The following OSBPL6 variants were observed in gnomAD, a reference collection of about 807,000 sequenced individuals.
OSBPL6 encodes the protein oxysterol binding protein like 6, also known as oxysterol-binding protein-related protein 6.
In OSBPL6, 49 loss-of-function variants were observed where a neutral mutation model predicts 125.8. That is an observed-to-expected ratio of 0.39 (90% CI 0.31 to 0.49). OSBPL6 has a LOEUF of 0.49. Among genes scored for constraint, OSBPL6 ranks in the 20% least tolerant of loss-of-function variants. The pLI is 0.88. For missense variants in OSBPL6, 986 were observed against 1,135.4 expected (o/e 0.87, Z 1.89); for synonymous variants, 394 against 391.8 (o/e 1.01, Z -0.07).
chr2:178,253,452 G>A (rs2091769561), intron 1 of OSBPL6, among the ~76,000 whole-genome samples: 1 of 152,208 alleles, frequency 6.6e-6, no homozygotes, highest in African/African-American at 2.4e-5. Flanking sequence ...CAGTAGACAT[G>A]AGAATTTTAG....
intron 1 of OSBPL6, among the ~76,000 whole-genome samples, chr2:178,195,015 G>T (rs2088785668): frequency 6.6e-6 from 1 of 152,098 alleles, no homozygotes; most frequent in Non-Finnish European, 1.5e-5. Flanking sequence ...CGCGCGGGCC[G>T]GCGCCCCTGC....
At chr2:178,204,456 T>A (rs1268510328) in intron 1 of OSBPL6, among the ~76,000 whole-genome samples, 1 of 152,194 alleles carries the variant, frequency 6.6e-6, no homozygotes, top group Admixed American at 6.5e-5. Flanking sequence ...TGGGCCTGGG[T>A]TCCCCCTCCC....
intron 12 of OSBPL6, among the ~76,000 whole-genome samples, chr2:178,359,458 C>T (rs970231570): frequency 6.6e-5 from 10 of 151,892 alleles, no homozygotes; most frequent in African/African-American, 9.7e-5. Context: ...TGGGAGTGTA[C>T]GTTGGTGCAG....
intron 1 of OSBPL6, among the ~76,000 whole-genome samples, chr2:178,221,884 C>T (rs2090355116): frequency 6.6e-6 from 1 of 152,154 alleles, no homozygotes; most frequent in African/African-American, 2.4e-5. Flanking sequence ...GTGAAGTGAC[C>T]TGTCACAGGC....
intron 1 of OSBPL6, among the ~76,000 whole-genome samples, chr2:178,251,512 T>A (rs1265854911): frequency 3.3e-5 from 5 of 152,068 alleles, no homozygotes; most frequent in Non-Finnish European, 5.9e-5. Flanking sequence ...GGGCCCTTCA[T>A]GCTTGATTAC....
intron 13 of OSBPL6, among the ~76,000 whole-genome samples, chr2:178,369,904 G>A (rs1693220489): frequency 6.6e-6 from 1 of 152,144 alleles, no homozygotes; most frequent in Non-Finnish European, 1.5e-5. Flanking sequence ...TCTCACAGTG[G>A]CAACAGAAGG....
chr2:178,335,589 A>G (rs1047627423), intron 8 of OSBPL6, among the ~76,000 whole-genome samples: 2 of 152,214 alleles, frequency 1.3e-5, no homozygotes, highest in African/African-American at 4.8e-5. Flanking sequence ...TTTAGAAGAG[A>G]CACAACTCAG....
intron 1 of OSBPL6, among the ~76,000 whole-genome samples, chr2:178,258,610 A>G (rs936294283): frequency 6.6e-6 from 1 of 152,212 alleles, no homozygotes; most frequent in African/African-American, 2.4e-5. Context: ...ACCTATACTG[A>G]AAGCACTAGT....
intron 2 of OSBPL6, among the ~76,000 whole-genome samples, chr2:178,288,793 C>A (rs573199332): frequency 6.6e-6 from 1 of 151,684 alleles, no homozygotes; most frequent in Admixed American, 6.6e-5. Context: ...GGATTACAGG[C>A]GCCCGCCACC....
At chr2:178,362,023 C>A (rs1472439817) in intron 13 of OSBPL6, among the ~76,000 whole-genome samples, 1 of 152,176 alleles carries the variant, frequency 6.6e-6, no homozygotes, top group African/African-American at 2.4e-5. Context: ...ATAAACCAAA[C>A]TTGCTTGTAA....
At chr2:178,365,337 A>C (rs1347923928) in intron 13 of OSBPL6, among the ~76,000 whole-genome samples, 1 of 152,198 alleles carries the variant, frequency 6.6e-6, no homozygotes, top group Non-Finnish European at 1.5e-5. Context: ...CGTCTTTTCG[A>C]AGGCACATAG....
chr2:178,318,067 C>T (rs191260503), intron 3 of OSBPL6, among the ~76,000 whole-genome samples: 2 of 152,256 alleles, frequency 1.3e-5, no homozygotes, highest in Admixed American at 6.5e-5. Context: ...AGGAAGTTCA[C>T]CAGTAAGCTC....
chr2:178,328,356 G>C lies in OSBPL6; in HGVS notation c.296G>C (p.Trp99Ser). 6.2e-7 allele frequency: 1 copy of C among 1,613,556 alleles called. No individual in the cohort carries two copies. Among genetic ancestry groups the C allele is most frequent in the Non-Finnish European group, 8.5e-7 (1 of 1,179,778 alleles). Residue 99 changes from tryptophan (W) to serine (S), a missense_variant, in exon 5 of 25, where the codon TGG (tryptophan) becomes TCG (serine). Trp to Ser is a radical substitution (Grantham distance 177). Transcript: ENST00000190611. ...HEGFMLKKRK[W>S]PLKGWHKRFF... ...GGCTTTATGCTGAAGAAAAGAAAAT[G>C]GCCTTTAAAAGGCTGGCACAAGGTA... is the stretch of plus-strand genomic sequence containing the variant.
intron 1 of OSBPL6, among the ~76,000 whole-genome samples, chr2:178,217,274 G>A (rs1382823481): frequency 6.6e-6 from 1 of 152,186 alleles, no homozygotes; most frequent in African/African-American, 2.4e-5. Flanking sequence ...TTAAAATAGA[G>A]TATTTTTAAA....
intron 1 of OSBPL6, among the ~76,000 whole-genome samples, chr2:178,214,547 G>A (rs1329659937): frequency 2.0e-5 from 3 of 152,136 alleles, no homozygotes; most frequent in Non-Finnish European, 2.9e-5. Flanking sequence ...ATTTCTTCCC[G>A]GGGAACTCGG....
At chr2:178,220,356 G>A (rs1035944048) in intron 1 of OSBPL6, among the ~76,000 whole-genome samples, 3 of 152,096 alleles carry the variant, frequency 2.0e-5, no homozygotes, top group African/African-American at 7.2e-5. Context: ...GAGTGCAGTG[G>A]GGTGATCTTG....
chr2:178,357,475 A>T (rs556528305), intron 12 of OSBPL6, among the ~76,000 whole-genome samples: 1 of 152,254 alleles, frequency 6.6e-6, no homozygotes, highest in African/African-American at 2.4e-5. Context: ...CAACAGACAC[A>T]TGAAAAAATG....
chr2:178,392,482 T>A lies in OSBPL6; in HGVS notation c.2517T>A (p.Asp839Glu), dbSNP rs574619116. 5 of 1,614,106 alleles carry A rather than the reference T, an allele frequency of 3.1e-6. No homozygotes were observed. In the African/African-American group the frequency reaches 6.7e-5, roughly 22 times the overall value. Residue 839 changes from aspartate (D) to glutamate (E), a missense_variant, in exon 23 of 25, where the codon GAT (aspartate) becomes GAA (glutamate). Coordinates refer to ENST00000190611, the MANE Select transcript of OSBPL6 (RefSeq NM_032523.4). ...TRFAIELNEL[D>E]PVLKDLLPPT... Reference sequence around the variant, plus strand: ...TTGCTATTGAGCTCAATGAGTTAGATCCAGTACTAAAAGATCTCCTTCCAC... The same window carrying A: ...TTGCTATTGAGCTCAATGAGTTAGAACCAGTACTAAAAGATCTCCTTCCAC...
At chr2:178,233,374 ATGGGT>A (rs2090915134) in intron 1 of OSBPL6, among the ~76,000 whole-genome samples, 1 of 152,152 alleles carries the variant, frequency 6.6e-6, no homozygotes, top group Admixed American at 6.6e-5. Flanking sequence ...GGCCATTTTC[ATGGGT>A]TTTACTTGGC....
Sources: gnomAD v4.1 joint callset for allele counts (sites outside exome capture counted in the v4.1 genomes callset) on GRCh38, gnomAD v4.1.1 for gene constraint, MANE v1.5 for transcripts, NCBI Gene and HGNC (gene_info 2026-07-23, HGNC 2026-07-21) for gene names.